MAGI2: variants seen among roughly 807,000 people sequenced by gnomAD.
The protein encoded by MAGI2 is membrane associated guanylate kinase, WW and PDZ domain containing 2.
MAGI2 carries 35 observed loss-of-function variants against 133.3 expected under a neutral mutation model. The observed-to-expected ratio is 0.26, with a 90% CI of 0.20 to 0.35. MAGI2 has a LOEUF of 0.35. Ranked by LOEUF, MAGI2 falls within the 10% of genes least tolerant of loss-of-function variation. The probability of loss-of-function intolerance (pLI) is 1.00; values close to 1 mark genes in which losing one functional copy is unlikely to be tolerated. For synonymous variants in MAGI2, 729 were observed against 710.6 expected, an observed-to-expected ratio of 1.03 and a Z score of -0.41; for missense variants, 1,636 against 1,863.4, an observed-to-expected ratio of 0.88 and a Z score of 2.25.
intron 3 of MAGI2, chr7:78,616,939 ACTCT>A (rs1271613830): frequency 6.6e-5 from 10 of 152,134 alleles, no homozygotes; most frequent in African/African-American, 1.4e-4. Context: ...AAATTTTCTG[ACTCT>A]CTGAGTTTAC....
chr7:78,876,256 A>G (rs997274992), intron 2 of MAGI2, among the ~76,000 whole-genome samples: 2 of 144,862 alleles, frequency 1.4e-5, no homozygotes, highest in Non-Finnish European at 3.0e-5. Context: ...CAGGAGGTGG[A>G]CATTGTAGTG....
At chr7:78,244,159 A>G (rs1281860346) in intron 10 of MAGI2, among the ~76,000 whole-genome samples, 1 of 122,508 alleles carries the variant, frequency 8.2e-6, no homozygotes, top group Non-Finnish European at 1.6e-5. Flanking sequence ...CCTCATCTCT[A>G]TTTAAATTAA....
intron 2 of MAGI2, among the ~76,000 whole-genome samples, chr7:78,773,196 C>T (rs1825725597): frequency 6.6e-6 from 1 of 152,148 alleles, no homozygotes; most frequent in Admixed American, 6.5e-5. Flanking sequence ...ACAGACACAA[C>T]TTTCAGGCTC....
intron 2 of MAGI2, among the ~76,000 whole-genome samples, chr7:78,889,224 C>T (rs1796531128): frequency 6.6e-6 from 1 of 152,120 alleles, no homozygotes; most frequent in African/African-American, 2.4e-5. Context: ...AAATATGGGA[C>T]TATGTGAGAA....
intron 1 of MAGI2, among the ~76,000 whole-genome samples, chr7:79,197,938 A>ACC (rs1316610496): frequency 4.6e-5 from 7 of 151,824 alleles, no homozygotes; most frequent in African/African-American, 1.7e-4. Context: ...TTTTGGAGGG[A>ACC]CCCAAACATT....
At chr7:78,583,359 G>A (rs147186301) in intron 3 of MAGI2, 15,063 of 184,338 alleles carry the variant, frequency 0.082, 745 homozygotes, top group African/African-American at 0.14. Flanking sequence ...TTAGCTGGGC[G>A]TGGTGGCGGG....
intron 16 of MAGI2, among the ~76,000 whole-genome samples, chr7:78,148,101 A>G (rs1165524985): frequency 6.6e-6 from 1 of 152,206 alleles, no homozygotes; most frequent in Non-Finnish European, 1.5e-5. Context: ...CGTTTATAGA[A>G]GCTTTATTTG....
chr7:78,467,588 A>T (rs1790765547), intron 6 of MAGI2, among the ~76,000 whole-genome samples: 1 of 151,814 alleles, frequency 6.6e-6, no homozygotes. Flanking sequence ...GATAAAACAT[A>T]GATAAGAAAG....
chr7:78,842,400 A>G (rs1413487424), intron 2 of MAGI2, among the ~76,000 whole-genome samples: 2 of 152,004 alleles, frequency 1.3e-5, no homozygotes, highest in Admixed American at 6.6e-5. Flanking sequence ...ATTGTTCAGG[A>G]AAGAGTCTCA....
chr7:79,277,923 T>C (rs1222689353), intron 1 of MAGI2, among the ~76,000 whole-genome samples: 1 of 152,114 alleles, frequency 6.6e-6, no homozygotes, highest in Non-Finnish European at 1.5e-5. Context: ...CTGAGTTTCA[T>C]AAGTGACAAT....
intron 9 of MAGI2, among the ~76,000 whole-genome samples, chr7:78,296,025 A>G (rs756670694): frequency 8.5e-5 from 13 of 152,100 alleles, no homozygotes; most frequent in Non-Finnish European, 1.8e-4. Flanking sequence ...TGCCATTGCT[A>G]TTACCCTAGT....
intron 1 of MAGI2, among the ~76,000 whole-genome samples, chr7:79,284,882 C>T (rs1270161954): frequency 6.6e-6 from 1 of 152,014 alleles, no homozygotes; most frequent in Non-Finnish European, 1.5e-5. Flanking sequence ...TTAGTATCTG[C>T]ACTTCGGTCC....
intron 6 of MAGI2, among the ~76,000 whole-genome samples, chr7:78,371,555 T>A (rs990625289): frequency 6.6e-6 from 1 of 152,004 alleles, no homozygotes; most frequent in Admixed American, 6.6e-5. Flanking sequence ...ATAAAGTAAA[T>A]GATTATTTCA....
chr7:78,714,154 C>G (rs1312296653), intron 2 of MAGI2, among the ~76,000 whole-genome samples: 1 of 151,922 alleles, frequency 6.6e-6, no homozygotes. Context: ...AAGACATGGT[C>G]TTCTAGACAC....
Position 78,019,476 on chromosome 7 carries a change from C to A in MAGI2, c.4207G>T (p.Glu1403Ter), listed in dbSNP as rs1808079528. The change falls in exon 22 of 22, where the codon GAG becomes TAG. Residue 1403 changes from glutamate (E) to a stop codon, truncating the protein, a stop_gained. Transcript: ENST00000354212. LOFTEE classifies it low-confidence loss of function (END_TRUNC). ...CCCGCGCGCGCACCCGCCCTGCCCT[C>A]GGCCTCCAGCGCGCCGCTGCCGCCG... Reference protein sequence around the residue: ...GGGGSGALEAEGRAGARAGPR... With the variant: ...GGGGSGALEA 1 of 980,080 alleles carries A rather than the reference C, an allele frequency of 1.0e-6. No individual in the cohort carries two copies. Among genetic ancestry groups the A allele is most frequent in the Non-Finnish European group, 1.2e-6 (1 of 828,022 alleles). The allele number at this position is 980,080 out of a possible 1,614,324, so 60.7% of individuals were successfully genotyped here.
intron 1 of MAGI2, among the ~76,000 whole-genome samples, chr7:79,208,852 A>C (rs1829274931): frequency 6.6e-6 from 1 of 152,064 alleles, no homozygotes; most frequent in Non-Finnish European, 1.5e-5. Flanking sequence ...TTTGGCCATA[A>C]AAATAAATGA....
intron 2 of MAGI2, among the ~76,000 whole-genome samples, chr7:78,653,811 A>T (rs1430515997): frequency 6.6e-6 from 1 of 151,832 alleles, no homozygotes; most frequent in African/African-American, 2.4e-5. Context: ...AAGAATATTT[A>T]ATCAGTTCAG....
chr7:78,629,314 A>G (rs943244780), intron 2 of MAGI2, among the ~76,000 whole-genome samples: 11 of 152,128 alleles, frequency 7.2e-5, no homozygotes, highest in African/African-American at 2.7e-4. Context: ...CTGGCAGTTC[A>G]CCTACCTCAT....
chr7:78,762,559 A>G (rs1290907549), intron 2 of MAGI2, among the ~76,000 whole-genome samples: 3 of 152,242 alleles, frequency 2.0e-5, no homozygotes, highest in Non-Finnish European at 2.9e-5. Flanking sequence ...TCCTTTCGCT[A>G]TGTGAACAAG....
Sources: gnomAD v4.1 joint callset for allele counts (sites outside exome capture counted in the v4.1 genomes callset) on GRCh38, gnomAD v4.1.1 for gene constraint, MANE v1.5 for transcripts, NCBI Gene and HGNC (gene_info 2026-07-23, HGNC 2026-07-21) for gene names.